The following OSBPL8 variants were observed in gnomAD, a reference collection of about 807,000 sequenced individuals.
OSBPL8 encodes oxysterol-binding protein-related protein 8.
A neutral mutation model predicts 125.5 loss-of-function variants in OSBPL8; 59 were observed. The observed-to-expected ratio is 0.47, with a 90% CI of 0.38 to 0.58. The LOEUF (loss-of-function observed/expected upper bound fraction) is 0.58, where lower values mean the gene tolerates loss of function less well. OSBPL8 is among the 20% of genes least tolerant of loss of function. The pLI is 0.00. For missense variants in OSBPL8, 758 were observed against 1,047.8 expected (o/e 0.72, Z 3.82); for synonymous variants, 330 against 338.9 (o/e 0.97, Z 0.29).
At chr12:76,468,593 A>G (rs925288112) in intron 2 of OSBPL8, among the ~76,000 whole-genome samples, 19 of 152,220 alleles carry the variant, frequency 1.2e-4, no homozygotes, top group Middle Eastern at 3.2e-3. Context: ...CAGACACTCA[A>G]CAAACCCCTC....
intron 15 of OSBPL8, among the ~76,000 whole-genome samples, chr12:76,379,784 A>G (rs925299303): frequency 6.6e-6 from 1 of 152,138 alleles, no homozygotes; most frequent in African/African-American, 2.4e-5. Context: ...TTAGTCCTGG[A>G]TTGTTATGAA....
intron 1 of OSBPL8, among the ~76,000 whole-genome samples, chr12:76,523,575 AG>A (rs1950081437): frequency 1.3e-5 from 2 of 152,144 alleles, no homozygotes; most frequent in African/African-American, 4.8e-5. Context: ...TCATGTCATG[AG>A]GGTGGAGCCC....
At chr12:76,527,566 A>C (rs1298112231) in intron 1 of OSBPL8, among the ~76,000 whole-genome samples, 1 of 152,218 alleles carries the variant, frequency 6.6e-6, no homozygotes, top group Non-Finnish European at 1.5e-5. Context: ...TGGGTCTGAG[A>C]GCTCTACGGG....
chr12:76,422,614 A>T (rs541769339), intron 4 of OSBPL8: 3 of 456,638 alleles, frequency 6.6e-6, no homozygotes, highest in Admixed American at 4.7e-5. Flanking sequence ...AAACCCCAGT[A>T]CAGGAAGAAA....
intron 1 of OSBPL8, among the ~76,000 whole-genome samples, chr12:76,543,287 C>A (rs1252203791): frequency 6.6e-6 from 1 of 152,092 alleles, no homozygotes; most frequent in Non-Finnish European, 1.5e-5. Context: ...TTAAAAAGGT[C>A]CTAGAGGCAT....
intron 5 of OSBPL8, among the ~76,000 whole-genome samples, chr12:76,407,692 C>T (rs1337377740): frequency 6.6e-6 from 1 of 152,118 alleles, no homozygotes; most frequent in East Asian, 1.9e-4. Flanking sequence ...TACTTATATA[C>T]CAAATAGTTA....
chr12:76,496,029 T>G (rs938295381), intron 1 of OSBPL8, among the ~76,000 whole-genome samples: 1 of 152,224 alleles, frequency 6.6e-6, no homozygotes, highest in Non-Finnish European at 1.5e-5. Flanking sequence ...ATCACCTTAC[T>G]TGCACATTCT....
intron 2 of OSBPL8, among the ~76,000 whole-genome samples, chr12:76,464,957 A>T (rs1041826842): frequency 2.0e-5 from 3 of 152,216 alleles, no homozygotes; most frequent in Non-Finnish European, 4.4e-5. Flanking sequence ...TAGAATAACA[A>T]ACTTCAGAGA....
At chr12:76,536,715 A>AAT (rs1456928667) in intron 1 of OSBPL8, among the ~76,000 whole-genome samples, 1 of 151,888 alleles carries the variant, frequency 6.6e-6, no homozygotes, top group African/African-American at 2.4e-5. Context: ...AGGTGGAGGG[A>AAT]ATGGTAATGT....
At chr12:76,379,266 T>TAGAAA (rs1952943014) in intron 15 of OSBPL8, among the ~76,000 whole-genome samples, 1 of 152,134 alleles carries the variant, frequency 6.6e-6, no homozygotes, top group African/African-American at 2.4e-5. Context: ...ATAGACAATT[T>TAGAAA]AGAAAAATAA....
At chr12:76,371,700 T>C in intron 18 of OSBPL8, 116 bp from the exon 19 acceptor site, 1 of 984,046 alleles carries the variant, frequency 1.0e-6, no homozygotes, top group African/African-American at 1.7e-5. Flanking sequence ...TAAAAGCATT[T>C]TTAAAACAAA....
chr12:76,539,608 G>A (rs1417253196), intron 1 of OSBPL8, among the ~76,000 whole-genome samples: 1 of 152,144 alleles, frequency 6.6e-6, no homozygotes, highest in Admixed American at 6.5e-5. Flanking sequence ...TTCAAAAAAT[G>A]AACACCTTTA....
At chr12:76,453,465 AC>A (rs1303218156) in intron 3 of OSBPL8, among the ~76,000 whole-genome samples, 1 of 152,170 alleles carries the variant, frequency 6.6e-6, no homozygotes, top group Non-Finnish European at 1.5e-5. Flanking sequence ...GCTCAGATAT[AC>A]AACAGAAATA....
intron 1 of OSBPL8, among the ~76,000 whole-genome samples, chr12:76,506,133 T>C (rs527803781): frequency 1.2e-4 from 19 of 152,262 alleles, no homozygotes; most frequent in Non-Finnish European, 7.4e-5. Context: ...GTAAATTTTT[T>C]AAAAAAGAGA....
At chr12:76,485,933 T>C in intron 2 of OSBPL8, 1 of 322,772 alleles carries the variant, frequency 3.1e-6, no homozygotes, top group East Asian at 8.0e-5. Context: ...CCATTAGATA[T>C]AAAAAAAGGT....
chr12:76,490,974 C>T (rs1878656075), intron 1 of OSBPL8, among the ~76,000 whole-genome samples: 1 of 152,198 alleles, frequency 6.6e-6, no homozygotes, highest in African/African-American at 2.4e-5. Flanking sequence ...ACACTCCCTC[C>T]TGCAAGGGGT....
At position 76,491,862 on chromosome 12, in the gene OSBPL8, A is replaced by T. The variant is rs1356650780; in HGVS notation, c.-67-4244T>A. ...TATATTCTAAAAATTTGCAATATTA[A>T]CAACAAAATAACAAAATATCATAAG... On this transcript the variant is annotated intron_variant, in intron 1 of 23. Coordinates refer to ENST00000261183, the MANE Select transcript of OSBPL8 (RefSeq NM_020841.5). Among the ~76,000 whole-genome samples the T allele has an allele frequency of 2.0e-5, 3 of 152,338 alleles. No individual in the cohort carries two copies. In the East Asian group the frequency reaches 5.8e-4, roughly 29 times the overall value.
intron 1 of OSBPL8, among the ~76,000 whole-genome samples, chr12:76,510,161 A>G (rs1479640648): frequency 4.6e-5 from 7 of 152,228 alleles, no homozygotes; most frequent in Admixed American, 4.6e-4. Flanking sequence ...AGGGTGTCCA[A>G]ATACTTTTCA....
intron 15 of OSBPL8, among the ~76,000 whole-genome samples, chr12:76,379,791 T>C (rs145230960): frequency 1.1e-4 from 16 of 152,346 alleles, no homozygotes; most frequent in African/African-American, 3.8e-4. Context: ...TGGATTGTTA[T>C]GAATAATGTT....
Sources: allele counts gnomAD v4.1 joint callset (sites outside exome capture counted in the v4.1 genomes callset), GRCh38; gene constraint gnomAD v4.1.1; transcripts MANE v1.5; gene names NCBI Gene and HGNC (gene_info 2026-07-23, HGNC 2026-07-21).